The following HIBADH variants were observed in gnomAD, a reference collection of about 807,000 sequenced individuals.
The protein encoded by HIBADH is 3-hydroxyisobutyrate dehydrogenase, mitochondrial.
Under a neutral mutation model 36.1 loss-of-function variants are expected in HIBADH, and 25 were observed. The observed-to-expected ratio is 0.69, with a 90% CI of 0.50 to 0.97. The LOEUF is 0.97. Among genes scored for constraint, HIBADH ranks in the 50% least tolerant of loss-of-function variants. The pLI, the probability that HIBADH is intolerant of heterozygous loss-of-function variation, is 0.00. For missense variants in HIBADH, 421 were observed against 418.0 expected (o/e 1.01, Z -0.06); for synonymous variants, 160 against 149.5 (o/e 1.07, Z -0.51).
intron 4 of HIBADH, among the ~76,000 whole-genome samples, chr7:27,621,076 G>C (rs754497427): frequency 1.2e-4 from 18 of 149,800 alleles, no homozygotes; most frequent in Non-Finnish European, 2.4e-4. Flanking sequence ...AGCAAGAATC[G>C]TTATACTTAC....
At chr7:27,537,556 T>C (rs1784086822) in intron 6 of HIBADH, among the ~76,000 whole-genome samples, 2 of 152,144 alleles carry the variant, frequency 1.3e-5, no homozygotes, top group African/African-American at 4.8e-5. Flanking sequence ...AAGCATTTTC[T>C]AAAGTAAGAA....
chr7:27,583,855 A>G (rs987609427), intron 4 of HIBADH, among the ~76,000 whole-genome samples: 3 of 152,014 alleles, frequency 2.0e-5, no homozygotes, highest in African/African-American at 7.2e-5. Flanking sequence ...TTCTCAATTG[A>G]CTTAAAAACA....
chr7:27,565,964 C>G lies in HIBADH; in HGVS notation c.485-22864G>C, dbSNP rs926649038. On this transcript the variant is annotated intron_variant, in intron 4 of 7. Transcript: ENST00000265395. The stretch of plus-strand genomic sequence containing the variant: ...ATATTAGCATCAAGTCTTCTTTAGA[C>G]TATTAATATTACAAAGACTGATTTC... Among the ~76,000 whole-genome samples, 4 of 152,198 alleles carry G rather than the reference C, an allele frequency of 2.6e-5. No individual in the cohort carries two copies. In the East Asian group the frequency reaches 7.7e-4, roughly 29 times the overall value.
In HIBADH at chr7:27,662,775, A is replaced by G; in HGVS notation, c.14T>C (p.Leu5Ser). The G allele has an allele frequency of 6.8e-7, 1 of 1,464,082 alleles. No individual in the cohort carries two copies. The highest frequency in any genetic ancestry group is 9.0e-7 in the Non-Finnish European group (1 of 1,107,108). 90.7% of individuals were successfully genotyped at this position (1,464,082 alleles called of 1,614,324 possible). Residue 5 changes from leucine (L) to serine (S), a missense_variant, in exon 1 of 8, where the codon TTA (leucine) becomes TCA (serine). By Grantham distance (145) the Leu-to-Ser change is moderately radical (BLOSUM62 -2). Transcript: ENST00000265395. ...ACCGGAGGCAGCTCCGAGGAGCCGT[A>G]AGGAGGCTGCCATGCTGCGCCCGCC... MAAS[L>S]RLLGAASGLR...
intron 1 of HIBADH, among the ~76,000 whole-genome samples, chr7:27,659,896 A>T (rs1409932671): frequency 6.6e-6 from 1 of 151,500 alleles, no homozygotes; most frequent in Non-Finnish European, 1.5e-5. Flanking sequence ...CTCAAAAAAC[A>T]TTTTTTTTTA....
At chr7:27,606,140 T>A (rs1313075952) in intron 4 of HIBADH, among the ~76,000 whole-genome samples, 4 of 152,176 alleles carry the variant, frequency 2.6e-5, no homozygotes, top group African/African-American at 9.6e-5. Flanking sequence ...ACCAAAGATT[T>A]ACTTTTTAAA....
intron 1 of HIBADH, among the ~76,000 whole-genome samples, chr7:27,660,650 C>A (rs750060022): frequency 2.6e-4 from 38 of 144,578 alleles, no homozygotes; most frequent in Non-Finnish European, 4.8e-4. Flanking sequence ...GGGCGACAGA[C>A]AAAGACTCCG....
At chr7:27,638,005 C>A (rs1301307037) in intron 2 of HIBADH, among the ~76,000 whole-genome samples, 1 of 152,064 alleles carries the variant, frequency 6.6e-6, no homozygotes, top group Non-Finnish European at 1.5e-5. Flanking sequence ...TTGCCCAAAG[C>A]AATTTATAGA....
At chr7:27,649,282 C>A in intron 2 of HIBADH, 191 bp downstream of exon 2, 3 of 445,560 alleles carry the variant, frequency 6.7e-6, no homozygotes, top group Non-Finnish European at 1.2e-5. Context: ...ATAGATACCC[C>A]TGAATGTCTA....
At chr7:27,559,052 G>T (rs960260733) in intron 4 of HIBADH, among the ~76,000 whole-genome samples, 4 of 152,248 alleles carry the variant, frequency 2.6e-5, no homozygotes, top group Admixed American at 2.6e-4. Flanking sequence ...TGGCTGTGAG[G>T]GAAGGATCTG....
At chr7:27,605,321 C>T (rs1257012575) in intron 4 of HIBADH, among the ~76,000 whole-genome samples, 1 of 151,924 alleles carries the variant, frequency 6.6e-6, no homozygotes, top group African/African-American at 2.4e-5. Flanking sequence ...TTTACTTTCC[C>T]AAAAACAGCT....
At position 27,541,517 on chromosome 7, in the gene HIBADH, CT is replaced by C. The variant is rs779086312; in HGVS notation, c.618+1449del. Among the ~76,000 whole-genome samples the C allele has an allele frequency of 7.5e-4, 115 of 152,322 alleles. 1 individual carries two copies. The highest frequency in any genetic ancestry group is 1.2e-3 in the Non-Finnish European group (84 of 68,036). On this transcript the variant is annotated intron_variant, in intron 5 of 7. Transcript: ENST00000265395. ...AAAAAGTGCAAGCCTGCTGGAGTAG[CT>C]GCAGTGATGGGTTCATGACTATTCT...
intron 4 of HIBADH, among the ~76,000 whole-genome samples, chr7:27,568,204 CCTTT>C (rs1321740147): frequency 6.6e-6 from 1 of 152,146 alleles, no homozygotes; most frequent in Non-Finnish European, 1.5e-5. Context: ...GTTCCTTTAT[CCTTT>C]TTTTGGTAAA....
At chr7:27,559,382 G>A (rs1373489421) in intron 4 of HIBADH, among the ~76,000 whole-genome samples, 1 of 152,140 alleles carries the variant, frequency 6.6e-6, no homozygotes, top group Non-Finnish European at 1.5e-5. Flanking sequence ...AGCATTTTAT[G>A]AGACCAAGGC....
At chr7:27,626,073 A>G (rs6959865) in intron 4 of HIBADH, among the ~76,000 whole-genome samples, 137,982 of 144,252 alleles carry the variant, frequency 0.96, 66,057 homozygotes, top group East Asian at 1. Context: ...ACTGCACTCC[A>G]GCCTGGGTGA....
chr7:27,649,696 A>G, intron 1 of HIBADH, 63 bp from the exon 2 acceptor site: 1 of 1,410,226 alleles, frequency 7.1e-7, no homozygotes, highest in Non-Finnish European at 9.5e-7. Context: ...ACATTCATTT[A>G]ATATTAGCAA....
At chr7:27,654,265 ATATG>A (rs1786253488) in intron 1 of HIBADH, among the ~76,000 whole-genome samples, 1 of 152,236 alleles carries the variant, frequency 6.6e-6, no homozygotes, top group East Asian at 1.9e-4. Flanking sequence ...ACCCAAACAC[ATATG>A]TAACTAGAGT....
intron 3 of HIBADH, among the ~76,000 whole-genome samples, chr7:27,631,533 G>T (rs899419373): frequency 6.6e-6 from 1 of 152,108 alleles, no homozygotes; most frequent in Non-Finnish European, 1.5e-5. Flanking sequence ...AATAAGTTAG[G>T]AATAGAAACA....
At chr7:27,643,189 ATC>A (rs1785993426) in intron 2 of HIBADH, among the ~76,000 whole-genome samples, 1 of 152,216 alleles carries the variant, frequency 6.6e-6, no homozygotes, top group African/African-American at 2.4e-5. Context: ...CTCGAGAAAC[ATC>A]TGTTACATTA....
Sources: allele counts gnomAD v4.1 joint callset (sites outside exome capture counted in the v4.1 genomes callset), GRCh38; gene constraint gnomAD v4.1.1; transcripts MANE v1.5; gene names NCBI Gene and HGNC (gene_info 2026-07-23, HGNC 2026-07-21).